TLN2: variants seen among roughly 807,000 people sequenced by gnomAD.
TLN2 encodes talin 2.
TLN2 carries 118 observed loss-of-function variants against 294.7 expected under a neutral mutation model. The ratio of observed to expected loss-of-function variants is 0.40; its 90% CI spans 0.34 to 0.47. TLN2 has a LOEUF of 0.47. TLN2 is among the 20% of genes least tolerant of loss of function. The pLI is 0.84. For missense variants in TLN2, 3,083 were observed against 3,282.2 expected, an observed-to-expected ratio of 0.94 and a Z score of 1.48; for synonymous variants, 1,431 against 1,304.5, an observed-to-expected ratio of 1.10 and a Z score of -2.09.
At chr15:62,835,830 C>G (rs1427947528) in intron 56 of TLN2, 31 bp downstream of exon 56, 5 of 1,614,104 alleles carry the variant, frequency 3.1e-6, no homozygotes, top group Non-Finnish European at 4.2e-6. Context: ...TCCCAGTTTG[C>G]TTTTGGGGTC....
chr15:62,583,804 C>G (rs940254451), intron 1 of TLN2, among the ~76,000 whole-genome samples: 1 of 152,108 alleles, frequency 6.6e-6, no homozygotes, highest in Non-Finnish European at 1.5e-5. Context: ...CTAGTTACAC[C>G]TATTACTAAT....
At chr15:62,810,096 C>G (rs1482120578) in intron 52 of TLN2, 64 bp downstream of exon 52, 11 of 1,354,990 alleles carry the variant, frequency 8.1e-6, no homozygotes, top group Non-Finnish European at 1.0e-5. Flanking sequence ...CTGGCTGATT[C>G]AAACTATGCT....
At chr15:62,459,613 G>T (rs1370145287) in intron 1 of TLN2, among the ~76,000 whole-genome samples, 1 of 152,120 alleles carries the variant, frequency 6.6e-6, no homozygotes, top group Non-Finnish European at 1.5e-5. Flanking sequence ...TATTTTTCAG[G>T]TTGACAACAT....
chr15:62,725,045 C>G lies in TLN2; in HGVS notation c.3196C>G (p.Leu1066Val), dbSNP rs1477544050. The change falls in exon 27 of 59, where the codon CTG (leucine) becomes GTG (valine). Residue 1066 changes from leucine (L) to valine (V), a missense_variant. Transcript: ENST00000636159. ...LNTVQTLKNE[L>V]QDAKMAAVES... The stretch of plus-strand genomic sequence containing the variant: ...TACGGTGCAGACGCTTAAGAATGAA[C>G]TGCAGGATGCCAAGATGGCAGCCGT... 6.2e-7 allele frequency: 1 copy of G among 1,613,414 alleles called. No individual in the cohort carries two copies. Among genetic ancestry groups the G allele is most frequent in the Admixed American group, 1.7e-5 (1 of 59,982 alleles).
At chr15:62,784,085 T>A in intron 45 of TLN2, 195 bp downstream of exon 45, 10 of 879,550 alleles carry the variant, frequency 1.1e-5, no homozygotes, top group Non-Finnish European at 1.7e-5. Flanking sequence ...CTGCCCCTTA[T>A]GGGGCAGACT....
chr15:62,445,651 A>AT (rs113621851), intron 1 of TLN2, among the ~76,000 whole-genome samples: 3,097 of 147,358 alleles, frequency 0.021, 109 homozygotes, highest in African/African-American at 0.069. Context: ...TCAGTATTAG[A>AT]TTTTTTTTTT....
intron 1 of TLN2, among the ~76,000 whole-genome samples, chr15:62,423,606 A>T (rs1043541737): frequency 2.0e-5 from 3 of 150,610 alleles, no homozygotes; most frequent in Admixed American, 2.0e-4. Flanking sequence ...TTTGAGACGG[A>T]GTCTTGCTCT....
chr15:62,675,461 G>C (rs145326131), intron 11 of TLN2, 140 bp downstream of exon 11: 2 of 783,000 alleles, frequency 2.6e-6, no homozygotes, highest in African/African-American at 3.5e-5. Flanking sequence ...GCTGACCTGC[G>C]TTTAGCTGCC....
At chr15:62,691,825 A>G (rs116036232) in intron 12 of TLN2, among the ~76,000 whole-genome samples, 5 of 151,692 alleles carry the variant, frequency 3.3e-5, no homozygotes, top group Admixed American at 2.0e-4. Flanking sequence ...TCATGCCACT[A>G]TGCCTGGCTA....
chr15:62,717,929 A>G (rs1407599320), intron 24 of TLN2, among the ~76,000 whole-genome samples: 1 of 152,172 alleles, frequency 6.6e-6, no homozygotes, highest in Non-Finnish European at 1.5e-5. Flanking sequence ...TTTCTTTTCA[A>G]GAGACTGAGC....
At position 62,650,143 on chromosome 15, in the gene TLN2, G is replaced by A. The variant is rs140857185; in HGVS notation, c.196G>A (p.Ala66Thr). The A allele has an allele frequency of 1.3e-3, 2,020 of 1,614,210 alleles. 4 individuals are homozygous for A. Among genetic ancestry groups the A allele is most frequent in the Non-Finnish European group, 1.5e-3 (1,824 of 1,180,018 alleles). Reference protein sequence around the residue: ...EDPRKGIWLEAGRTLDYYMLR... With the variant: ...EDPRKGIWLETGRTLDYYMLR... ...CCCGAGGAAAGGGATTTGGCTGGAA[G>A]CGGGCAGAACACTGGATTACTACAT... Residue 66 changes from alanine (A) to threonine (T), a missense_variant, in exon 5 of 59, where the codon GCG (alanine) becomes ACG (threonine). Coordinates refer to ENST00000636159, the MANE Select transcript of TLN2 (RefSeq NM_015059.3).
chr15:62,781,704 G>A (rs2064184605), intron 44 of TLN2, among the ~76,000 whole-genome samples: 1 of 152,040 alleles, frequency 6.6e-6, no homozygotes, highest in African/African-American at 2.4e-5. Flanking sequence ...GGAAAATAAG[G>A]TATTGCCAGT....
chr15:62,708,208 A>T (rs949107468), intron 20 of TLN2, among the ~76,000 whole-genome samples: 12 of 152,148 alleles, frequency 7.9e-5, no homozygotes, highest in African/African-American at 2.7e-4. Flanking sequence ...AAATCTCAGA[A>T]ATTTCTCTGT....
chr15:62,623,323 A>G (rs1051906181), intron 3 of TLN2, among the ~76,000 whole-genome samples: 2 of 152,250 alleles, frequency 1.3e-5, no homozygotes, highest in Admixed American at 1.3e-4. Context: ...TGACAAATGC[A>G]GGAAATCATT....
intron 12 of TLN2, among the ~76,000 whole-genome samples, chr15:62,687,306 G>A (rs1465505377): frequency 6.6e-6 from 1 of 152,208 alleles, no homozygotes; most frequent in Non-Finnish European, 1.5e-5. Context: ...TTTCCCAGCT[G>A]TGTGACCTTG....
At chr15:62,808,336 C>A (rs1054488677) in intron 51 of TLN2, among the ~76,000 whole-genome samples, 9 of 152,138 alleles carry the variant, frequency 5.9e-5, no homozygotes, top group African/African-American at 1.7e-4. Flanking sequence ...CTACAAAATA[C>A]CCTTAATGAA....
At chr15:62,475,309 T>G (rs929278504) in intron 1 of TLN2, among the ~76,000 whole-genome samples, 2 of 152,184 alleles carry the variant, frequency 1.3e-5, no homozygotes, top group African/African-American at 4.8e-5. Flanking sequence ...TAACAGAATT[T>G]TGGAATTTTC....
At chr15:62,403,877 C>T (rs1473886514) in intron 1 of TLN2, among the ~76,000 whole-genome samples, 1 of 152,304 alleles carries the variant, frequency 6.6e-6, no homozygotes, top group Non-Finnish European at 1.5e-5. Context: ...ATTTACTATT[C>T]CCTGATATTA....
intron 1 of TLN2, among the ~76,000 whole-genome samples, chr15:62,486,810 G>GTTTTT (rs1364205522): frequency 7.1e-6 from 1 of 141,288 alleles, no homozygotes; most frequent in African/African-American, 2.6e-5. Flanking sequence ...GGTTTGCAAG[G>GTTTTT]TTTTTTTTTT....
Sources: gnomAD v4.1 joint callset for allele counts (sites outside exome capture counted in the v4.1 genomes callset) on GRCh38, gnomAD v4.1.1 for gene constraint, MANE v1.5 for transcripts, NCBI Gene and HGNC (gene_info 2026-07-23, HGNC 2026-07-21) for gene names.